Variants in GARNL3 observed in about 807,000 individuals in gnomAD.
GARNL3 encodes the protein GTPase activating Rap/RanGAP domain like 3, also known as GTPase-activating Rap/Ran-GAP domain-like protein 3.
Under a neutral mutation model 125.0 loss-of-function variants are expected in GARNL3, and 63 were observed. That is an observed-to-expected ratio of 0.50 (90% confidence interval 0.41 to 0.62). The LOEUF is 0.62. GARNL3 is among the 20% of genes least tolerant of loss of function. The probability of loss-of-function intolerance (pLI) is 0.00; values close to 1 mark genes in which losing one functional copy is unlikely to be tolerated. For synonymous variants in GARNL3, 439 were observed against 457.5 expected (o/e 0.96, Z 0.52); for missense variants, 994 against 1,244.0 (o/e 0.80, Z 3.02).
chr9:127,348,809 C>T (rs1318398256), intron 16 of GARNL3, 115 bp from the exon 17 acceptor site: 4 of 654,006 alleles, frequency 6.1e-6, no homozygotes, highest in Non-Finnish European at 1.0e-5. Context: ...TGACTCCGCT[C>T]CCACGGGGGT....
intron 16 of GARNL3, among the ~76,000 whole-genome samples, chr9:127,347,414 C>A (rs1830200025): frequency 6.6e-6 from 1 of 152,002 alleles, no homozygotes; most frequent in South Asian, 2.1e-4. Context: ...AGAGCAAGAC[C>A]TCGTCTCAAA....
intron 22 of GARNL3, among the ~76,000 whole-genome samples, chr9:127,376,203 A>G (rs544736982): frequency 2.0e-5 from 3 of 151,820 alleles, no homozygotes; most frequent in African/African-American, 7.2e-5. Context: ...CAAGTGATCC[A>G]CCTGCCTCGG....
intron 1 of GARNL3, among the ~76,000 whole-genome samples, chr9:127,287,350 G>GAAAA (rs1240292935): frequency 6.6e-6 from 1 of 152,170 alleles, no homozygotes; most frequent in Non-Finnish European, 1.5e-5. Context: ...CCCAAAAAAA[G>GAAAA]AAAGTGTAGA....
chr9:127,254,597 C>T (rs370322780), intron 2 of GARNL3, among the ~76,000 whole-genome samples: 38 of 151,996 alleles, frequency 2.5e-4, no homozygotes, highest in African/African-American at 8.0e-4. Context: ...GGTGAAACCC[C>T]GTCTCTACTA....
At chr9:127,317,484 G>T (rs1303035570) in intron 4 of GARNL3, among the ~76,000 whole-genome samples, 1 of 152,070 alleles carries the variant, frequency 6.6e-6, no homozygotes, top group Non-Finnish European at 1.5e-5. Flanking sequence ...CAGCACTTTG[G>T]GAGGCTGAGA....
intron 1 of GARNL3, among the ~76,000 whole-genome samples, chr9:127,277,868 A>G (rs2063997597): frequency 6.6e-6 from 1 of 151,978 alleles, no homozygotes; most frequent in Non-Finnish European, 1.5e-5. Context: ...GCATTTCTCT[A>G]TGGTACCTGT....
At chr9:127,299,866 A>AT (rs373719547) in intron 2 of GARNL3, among the ~76,000 whole-genome samples, 12 of 149,324 alleles carry the variant, frequency 8.0e-5, no homozygotes, top group African/African-American at 2.5e-4. Context: ...TGCCCAGCCA[A>AT]TTTTTTTTTG....
chr9:127,284,802 C>T (rs1286833529), intron 1 of GARNL3, among the ~76,000 whole-genome samples: 2 of 142,786 alleles, frequency 1.4e-5, no homozygotes, highest in Non-Finnish European at 1.5e-5. Flanking sequence ...TATATAAATT[C>T]TTGAGTCAAA....
At chr9:127,319,548 A>C (rs894771152) in intron 5 of GARNL3, among the ~76,000 whole-genome samples, 1 of 152,010 alleles carries the variant, frequency 6.6e-6, no homozygotes, top group Non-Finnish European at 1.5e-5. Flanking sequence ...TTTCAAGCTT[A>C]GTTTGGTCTC....
intron 7 of GARNL3, among the ~76,000 whole-genome samples, chr9:127,330,958 G>A (rs1829200648): frequency 6.6e-6 from 1 of 152,126 alleles, no homozygotes; most frequent in Non-Finnish European, 1.5e-5. Context: ...CTCAGATCCA[G>A]CTATCCTGAA....
intron 2 of GARNL3, among the ~76,000 whole-genome samples, chr9:127,292,172 GTTTT>G (rs2064442229): frequency 6.6e-6 from 1 of 152,188 alleles, no homozygotes; most frequent in Non-Finnish European, 1.5e-5. Flanking sequence ...GTGATTGCAT[GTTTT>G]CACTCTTGGC....
chr9:127,233,853 T>C (rs928115269), intron 1 of GARNL3, among the ~76,000 whole-genome samples: 3 of 152,224 alleles, frequency 2.0e-5, no homozygotes, highest in Admixed American at 6.5e-5. Context: ...TCGGGGTGCC[T>C]CCTTTTCTTC....
At chr9:127,264,452 C>T (rs2063659087), upstream of GARNL3, 2 of 930,666 alleles carry the variant, frequency 2.1e-6, no homozygotes, top group Non-Finnish European at 2.6e-6. Context: ...GAGGGTGGAG[C>T]CTACCACGAT....
chr9:127,376,266 CATTT>C (rs1831902325), intron 22 of GARNL3, among the ~76,000 whole-genome samples: 1 of 151,492 alleles, frequency 6.6e-6, no homozygotes, highest in South Asian at 2.1e-4. Flanking sequence ...AGCCTCTTAA[CATTT>C]TTTTTTTGAG....
intron 1 of GARNL3, among the ~76,000 whole-genome samples, chr9:127,272,898 T>C: frequency 6.6e-6 from 1 of 152,242 alleles, no homozygotes; most frequent in Admixed American, 6.5e-5. Context: ...AAAATTATTG[T>C]AACCATTTTC....
chr9:127,353,875 A>T lies in GARNL3; in HGVS notation c.1573A>T (p.Arg525Ter). 6.2e-7 allele frequency: 1 copy of T among 1,613,810 alleles called. No homozygotes were observed. Among genetic ancestry groups the T allele is most frequent in the Non-Finnish European group, 8.5e-7 (1 of 1,179,692 alleles). Reference sequence around the variant, plus strand: ...CCTTCCATCAGTGCCCGTGTTTGACAGAACTCTGCCAGTGAAGCAAATGCA... The same window carrying T: ...CCTTCCATCAGTGCCCGTGTTTGACTGAACTCTGCCAGTGAAGCAAATGCA... ...DDLPSVPVFD[R>*]TLPVKQMHVL... Residue 525 changes from arginine (R) to a stop codon, truncating the protein, a stop_gained, in exon 18 of 28, where the codon AGA becomes TGA. Transcript: ENST00000373387. LOFTEE classifies it high-confidence loss of function.
At chr9:127,339,842 C>T in intron 13 of GARNL3, 91 bp downstream of exon 13, 1 of 855,288 alleles carries the variant, frequency 1.2e-6, no homozygotes, top group Non-Finnish European at 2.0e-6. Context: ...AAGGAAATGT[C>T]ATTGTTTAAG....
intron 2 of GARNL3, among the ~76,000 whole-genome samples, chr9:127,294,465 A>G (rs1186177628): frequency 6.6e-6 from 1 of 151,960 alleles, no homozygotes. Flanking sequence ...CACCATGCCT[A>G]GCTAATTTTT....
chr9:127,319,088 A>G (rs1449023193), intron 5 of GARNL3, among the ~76,000 whole-genome samples: 1 of 152,178 alleles, frequency 6.6e-6, no homozygotes, highest in African/African-American at 2.4e-5. Context: ...ATGTGTTTCC[A>G]GTGTTCCCAG....
Sources: allele counts gnomAD v4.1 joint callset (sites outside exome capture counted in the v4.1 genomes callset), GRCh38; gene constraint gnomAD v4.1.1; transcripts MANE v1.5; gene names NCBI Gene and HGNC (gene_info 2026-07-23, HGNC 2026-07-21).